The following BRD9 variants were observed in gnomAD, a reference collection of about 807,000 sequenced individuals.
BRD9 encodes the protein bromodomain-containing protein 9.
BRD9 carries 47 observed loss-of-function variants against 68.7 expected under a neutral mutation model. The observed-to-expected ratio is 0.68, with a 90% CI of 0.54 to 0.87. BRD9 has a LOEUF of 0.87. BRD9 is among the 40% of genes least tolerant of loss of function. BRD9 has a pLI of 0.00. For synonymous variants in BRD9, 313 were observed against 293.9 expected (o/e 1.06, Z -0.67); for missense variants, 670 against 748.4 (o/e 0.90, Z 1.22).
intron 14 of BRD9, chr5:868,965 A>G (rs893644364): frequency 9.7e-6 from 2 of 206,654 alleles, no homozygotes; most frequent in South Asian, 1.5e-4. Context: ...AGGTGAGGGC[A>G]CAGTCTCCAG....
At chr5:883,198 C>T (rs1560917849) in intron 8 of BRD9, 4 of 394,234 alleles carry the variant, frequency 1.0e-5, no homozygotes, top group Non-Finnish European at 2.0e-5. Flanking sequence ...AATGCCCCCA[C>T]TTCAGCGTTC....
intron 8 of BRD9, 191 bp from the exon 9 acceptor site, chr5:881,373 A>C (rs138294094): frequency 1.6e-6 from 1 of 616,342 alleles, no homozygotes; most frequent in Non-Finnish European, 2.9e-6. Context: ...ACAGGTGCCA[A>C]GGAGAACCTC....
rs182060485 is a variant in BRD9, at chr5:864,110, C to T, written c.*358G>A. 3.4e-4 allele frequency: 58 copies of T among 170,406 alleles called. No homozygotes were observed. The highest frequency in any genetic ancestry group is 2.8e-3 in the Middle Eastern group (1 of 352). The allele number at this position is 170,406 out of a possible 1,614,324, so 10.6% of individuals were successfully genotyped here. ...CTCTGCAGCCTGGCCACACACCCTTCGCGTATGACTCCACTCCTCAGGGTT... is the reference window on the plus strand; with the variant it reads ...CTCTGCAGCCTGGCCACACACCCTTTGCGTATGACTCCACTCCTCAGGGTT... On this transcript the variant is annotated 3_prime_UTR_variant, in exon 16 of 16. Coordinates refer to ENST00000467963, the MANE Select transcript of BRD9 (RefSeq NM_023924.5).
intron 8 of BRD9, chr5:883,163 G>A: frequency 2.7e-6 from 1 of 371,124 alleles, no homozygotes; most frequent in Non-Finnish European, 5.3e-6. Flanking sequence ...AGCAGGCACA[G>A]GCAAAAAGCA....
intron 8 of BRD9, chr5:883,035 A>G (rs1227138910): frequency 2.9e-6 from 1 of 346,782 alleles, no homozygotes; most frequent in Non-Finnish European, 5.6e-6. Flanking sequence ...CACGCAAGCC[A>G]TACAGACCAC....
chr5:887,417 C>T lies in BRD9; in HGVS notation c.661G>A (p.Val221Met). 6.2e-7 allele frequency: 1 copy of T among 1,614,114 alleles called. No homozygotes were observed. Among genetic ancestry groups the T allele is most frequent in the Non-Finnish European group, 8.5e-7 (1 of 1,179,986 alleles). Residue 221 changes from valine (V) to methionine (M), a missense_variant, in exon 6 of 16, where the codon GTG becomes ATG. Physicochemically the swap from Val to Met is conservative, Grantham distance 21 (BLOSUM62 1). Transcript: ENST00000467963. Reference sequence around the variant, plus strand: ...ATCTTCTTCGCCAACTTGTAGTACACGGTATCTGGCCTATTGTATGTCATT... The same window carrying T: ...ATCTTCTTCGCCAACTTGTAGTACATGGTATCTGGCCTATTGTATGTCATT... ...NAMTYNRPDT[V>M]YYKLAKKILH... is the part of the protein sequence containing the mutation.
At position 887,276 on chromosome 5, in the gene BRD9, T is replaced by A. The variant is rs917752210; in HGVS notation, c.717+85A>T. The A allele has an allele frequency of 4.3e-6, 5 of 1,170,182 alleles. No individual in the cohort carries two copies. The African/African-American group carries it at 7.7e-5, about 18-fold the overall frequency. 72.5% of individuals were successfully genotyped at this position (1,170,182 alleles called of 1,614,324 possible). A position where few individuals can be genotyped will look rare whatever the true frequency, so the allele number is the denominator to read the frequency against. Reference sequence around the variant, plus strand: ...GGTGGCGGGTGGATGGAGCACGTGTTCACTGTGAGGCTCCCTTCGGGCACA... The same window carrying A: ...GGTGGCGGGTGGATGGAGCACGTGTACACTGTGAGGCTCCCTTCGGGCACA... On this transcript the variant is annotated intron_variant, in intron 6 of 15. Coordinates refer to ENST00000467963, the MANE Select transcript of BRD9 (RefSeq NM_023924.5).
chr5:885,402 A>G lies in BRD9; in HGVS notation c.833+1190T>C, dbSNP rs1394224668. 2.0e-5 allele frequency among the ~76,000 whole-genome samples: 3 copies of G among 152,332 alleles called. No homozygotes were observed. In the East Asian group the frequency reaches 5.8e-4, roughly 29 times the overall value. On this transcript the variant is annotated intron_variant, in intron 7 of 15. Transcript: ENST00000467963. ...GTTGGAGGGAGCTGCTCAGAGCAGA[A>G]GCACCGAGCCCAGCACCGCTGCCGC... is the stretch of plus-strand genomic sequence containing the variant.
At position 887,385 on chromosome 5, in the gene BRD9, G is replaced by A. The variant is rs765407397; in HGVS notation, c.693C>T (p.His231=). 82 of 1,613,374 alleles carry A rather than the reference G, an allele frequency of 5.1e-5. No homozygotes were observed. Among genetic ancestry groups the A allele is most frequent in the Non-Finnish European group, 6.7e-5 (79 of 1,179,436 alleles). ...VYYKLAKKIL[H]AGFKMMSKQA... is the part of the protein sequence containing the mutation. Reference sequence around the variant, plus strand: ...CTTTGCTCATCATCTTAAAGCCTGCGTGAAGGATCTTCTTCGCCAACTTGT... The same window carrying A: ...CTTTGCTCATCATCTTAAAGCCTGCATGAAGGATCTTCTTCGCCAACTTGT... Residue 231 remains histidine (H), a synonymous_variant, in exon 6 of 16, where the codon CAC becomes CAT. Transcript: ENST00000467963.
Position 891,832 on chromosome 5 carries a change from C to A in BRD9, c.75G>T (p.Glu25Asp). Residue 25 changes from glutamate (E) to aspartate (D), a missense_variant, in exon 2 of 16, where the codon GAG becomes GAT. Glu to Asp is a conservative substitution (Grantham distance 45). Transcript: ENST00000467963. ...SYEDYADKPL[E>D]KPLKLVLKVG... ...CCTTCAGGACTAGCTTTAGAGGCTT[C>A]TCCAGGGGCTTGTCGGCATAATCTG... The A allele has an allele frequency of 6.4e-7, 1 of 1,551,536 alleles. No individual in the cohort carries two copies. The highest frequency in any genetic ancestry group is 8.7e-7 in the Non-Finnish European group (1 of 1,146,994).
chr5:865,427 G>A lies in BRD9; in HGVS notation c.1680C>T (p.Asp560=), dbSNP rs1035985651. The change falls in exon 15 of 16, where the codon GAC becomes GAT. Residue 560 remains aspartate, a synonymous_variant. Transcript: ENST00000467963. The stretch of plus-strand genomic sequence containing the variant: ...GGGGCATCTCACCCAGGTGGTGCTG[G>A]TCCCTCTCGGAGGCGTTGGACAGGG... The part of the protein sequence containing the change: ...LSSLSNASER[D]QHHLGSPSRL... 1 of 1,582,356 alleles carries A rather than the reference G, an allele frequency of 6.3e-7. No homozygotes were observed. The highest frequency in any genetic ancestry group is 8.6e-7 in the Non-Finnish European group (1 of 1,160,560).
At chr5:864,702 A>C in intron 15 of BRD9, 134 bp from the exon 16 acceptor site, 5 of 680,800 alleles carry the variant, frequency 7.3e-6, no homozygotes, top group Non-Finnish European at 1.2e-5. Flanking sequence ...GGCACCTCTC[A>C]CTCCCTGCCA....
At chr5:876,300 C>T (rs765803047) in intron 11 of BRD9, 88 bp from the exon 12 acceptor site, 10 of 953,944 alleles carry the variant, frequency 1.0e-5, no homozygotes, top group Non-Finnish European at 1.5e-5. Context: ...CCTGCCGTGC[C>T]AGCGCAGCTC....
At chr5:876,436 G>C (rs966359371) in intron 11 of BRD9, among the ~76,000 whole-genome samples, 1 of 152,188 alleles carries the variant, frequency 6.6e-6, no homozygotes, top group Non-Finnish European at 1.5e-5. Flanking sequence ...AGGGAGAAAA[G>C]CATGAATACA....
At chr5:886,505 C>A in intron 7 of BRD9, 87 bp downstream of exon 7, 3 of 1,245,234 alleles carry the variant, frequency 2.4e-6, no homozygotes, top group Non-Finnish European at 3.4e-6. Flanking sequence ...CGTTCTCTCA[C>A]TCACTCACTC....
intron 2 of BRD9, 76 bp from the exon 3 acceptor site, chr5:891,363 G>A (rs1753363043): frequency 6.7e-7 from 1 of 1,499,332 alleles, no homozygotes; most frequent in Admixed American, 2.2e-5. Context: ...TCCCCTCGCA[G>A]TTCTCAGGGG....
intron 14 of BRD9, chr5:866,486 G>C (rs372505060): frequency 2.6e-5 from 4 of 152,288 alleles, no homozygotes; most frequent in East Asian, 1.9e-4. Context: ...AGAACTTAAA[G>C]ACAGGAAGAT....
At chr5:882,320 G>T (rs1351519138) in intron 8 of BRD9, 1 of 154,810 alleles carries the variant, frequency 6.5e-6, no homozygotes, top group Non-Finnish European at 1.4e-5. Flanking sequence ...CCCAACACAT[G>T]AGCCAAGCAG....
chr5:883,571 A>G, intron 8 of BRD9: 1 of 391,922 alleles, frequency 2.6e-6, no homozygotes, highest in Non-Finnish European at 4.9e-6. Context: ...ATCCAACACC[A>G]GCACCCCCAC....
Sources: allele counts gnomAD v4.1 joint callset (sites outside exome capture counted in the v4.1 genomes callset), GRCh38; gene constraint gnomAD v4.1.1; transcripts MANE v1.5; gene names NCBI Gene and HGNC (gene_info 2026-07-23, HGNC 2026-07-21).